ASIC2: variants seen among roughly 807,000 people sequenced by gnomAD.
ASIC2 encodes acid sensing ion channel subunit 2, also known as acid-sensing ion channel 2.
ASIC2 carries 25 observed loss-of-function variants against 57.3 expected under a neutral mutation model. The observed-to-expected ratio is 0.44, with a 90% CI of 0.32 to 0.61. ASIC2 has a LOEUF of 0.61. Ranked by LOEUF, ASIC2 falls within the 20% of genes least tolerant of loss-of-function variation. ASIC2 has a pLI of 0.06. For synonymous variants in ASIC2, 319 were observed against 307.5 expected (o/e 1.04, Z -0.39); for missense variants, 641 against 738.1 (o/e 0.87, Z 1.52).
chr17:34,066,104 C>T (rs1290511579), intron 1 of ASIC2, among the ~76,000 whole-genome samples: 4 of 152,282 alleles, frequency 2.6e-5, no homozygotes, highest in East Asian at 1.9e-4. Flanking sequence ...ACACTCTTAA[C>T]TACCGGACAT....
At chr17:33,882,974 C>T (rs552265787) in intron 1 of ASIC2, among the ~76,000 whole-genome samples, 169 of 152,166 alleles carry the variant, frequency 1.1e-3, no homozygotes, top group African/African-American at 3.9e-3. Context: ...ATGGATGAAG[C>T]TGGAAACCAT....
intron 1 of ASIC2, among the ~76,000 whole-genome samples, chr17:33,983,040 A>G (rs1038481987): frequency 6.6e-6 from 1 of 152,260 alleles, no homozygotes. Context: ...TAAATCAACC[A>G]TCAATCAAAA....
intron 1 of ASIC2, among the ~76,000 whole-genome samples, chr17:33,366,916 G>A (rs1908831158): frequency 6.6e-6 from 1 of 152,232 alleles, no homozygotes; most frequent in African/African-American, 2.4e-5. Flanking sequence ...TTTGCAATGA[G>A]CATACACTTT....
chr17:33,493,878 C>A (rs577242446), intron 1 of ASIC2, among the ~76,000 whole-genome samples: 1 of 152,210 alleles, frequency 6.6e-6, no homozygotes, highest in East Asian at 1.9e-4. Flanking sequence ...TGATTAGTAT[C>A]AACAGTGCTG....
chr17:33,737,690 C>CA (rs1303487606), intron 1 of ASIC2, among the ~76,000 whole-genome samples: 3 of 146,054 alleles, frequency 2.1e-5, no homozygotes, highest in Non-Finnish European at 3.0e-5. Context: ...AGTATTTGCT[C>CA]AAAAAATGGC....
Position 33,396,582 on chromosome 17 carries a change from C to G in ASIC2, c.556-284515G>C, listed in dbSNP as rs34365076. 3.9e-3 allele frequency among the ~76,000 whole-genome samples: 599 copies of G among 152,318 alleles called. 7 individuals carry two copies. Among genetic ancestry groups the G allele is most frequent in the African/African-American group, 0.013 (558 of 41,564 alleles). ...TCTTTGTGACTTCAAAGCTCATACTCTCTGGGCTTTACCTCATTGCCTCAC... is the reference window on the plus strand; with the variant it reads ...TCTTTGTGACTTCAAAGCTCATACTGTCTGGGCTTTACCTCATTGCCTCAC... On this transcript the variant is annotated intron_variant, in intron 1 of 9. Transcript: ENST00000359872.
intron 1 of ASIC2, among the ~76,000 whole-genome samples, chr17:33,876,608 A>G (rs894246970): frequency 3.3e-5 from 5 of 152,190 alleles, no homozygotes; most frequent in African/African-American, 4.8e-5. Context: ...AATAAGGAAA[A>G]TAAATCACAT....
intron 1 of ASIC2, among the ~76,000 whole-genome samples, chr17:33,176,011 C>A (rs1905740579): frequency 6.6e-6 from 1 of 152,216 alleles, no homozygotes; most frequent in Admixed American, 6.5e-5. Context: ...AAGCAATGAT[C>A]CCCACAAAGA....
chr17:33,542,075 C>G (rs149897084), intron 1 of ASIC2, among the ~76,000 whole-genome samples: 467 of 152,356 alleles, frequency 3.1e-3, no homozygotes, highest in Middle Eastern at 6.8e-3. Flanking sequence ...TACTTAAATA[C>G]TTGACTCCTT....
At chr17:33,159,056 A>G (rs1905090481) in intron 1 of ASIC2, among the ~76,000 whole-genome samples, 1 of 152,244 alleles carries the variant, frequency 6.6e-6, no homozygotes, top group Admixed American at 6.5e-5. Context: ...CGTGGTTACC[A>G]GCGAGAGCAT....
chr17:33,734,777 G>A (rs1909860421), intron 1 of ASIC2, among the ~76,000 whole-genome samples: 1 of 152,142 alleles, frequency 6.6e-6, no homozygotes. Context: ...GCACAGTGAA[G>A]AACTGCTCTG....
intron 1 of ASIC2, among the ~76,000 whole-genome samples, chr17:33,273,021 G>C (rs1904568689): frequency 6.6e-6 from 1 of 152,108 alleles, no homozygotes; most frequent in South Asian, 2.1e-4. Flanking sequence ...ACTCACTCCT[G>C]TTTCACCAAC....
chr17:33,613,458 G>A (rs1443306084), intron 1 of ASIC2, among the ~76,000 whole-genome samples: 1 of 149,842 alleles, frequency 6.7e-6, no homozygotes, highest in African/African-American at 2.5e-5. Context: ...TCCGCCTTCC[G>A]GATTCACACC....
intron 1 of ASIC2, among the ~76,000 whole-genome samples, chr17:33,323,569 G>A (rs1906952524): frequency 6.6e-6 from 1 of 152,064 alleles, no homozygotes; most frequent in Non-Finnish European, 1.5e-5. Flanking sequence ...CAAAAATTAG[G>A]CAGCTGTGGT....
chr17:33,590,961 G>A (rs771709119), intron 1 of ASIC2, among the ~76,000 whole-genome samples: 3 of 152,226 alleles, frequency 2.0e-5, no homozygotes, highest in Non-Finnish European at 4.4e-5. Context: ...GCTAGGGTCT[G>A]TGGGGGTAGA....
chr17:33,339,721 T>G (rs991239001), intron 1 of ASIC2, among the ~76,000 whole-genome samples: 1 of 152,184 alleles, frequency 6.6e-6, no homozygotes, highest in African/African-American at 2.4e-5. Context: ...CTTTCTGACC[T>G]TGCACAAACC....
chr17:33,296,436 C>T (rs1905724603), upstream of ASIC2, among the ~76,000 whole-genome samples: 1 of 152,168 alleles, frequency 6.6e-6, no homozygotes, highest in Non-Finnish European at 1.5e-5. Context: ...GGAAGACTCC[C>T]TTGGCCAGAA....
intron 1 of ASIC2, among the ~76,000 whole-genome samples, chr17:34,147,545 T>C (rs984463509): frequency 6.6e-6 from 1 of 152,214 alleles, no homozygotes; most frequent in African/African-American, 2.4e-5. Context: ...TATCAAATAA[T>C]AACCATGTAG....
chr17:33,912,202 A>G (rs1372347051), intron 1 of ASIC2, among the ~76,000 whole-genome samples: 1 of 147,104 alleles, frequency 6.8e-6, no homozygotes, highest in Non-Finnish European at 1.5e-5. Context: ...TAAACTTTAT[A>G]GGTGATTCTG....
Sources: allele counts gnomAD v4.1 joint callset (sites outside exome capture counted in the v4.1 genomes callset), GRCh38; gene constraint gnomAD v4.1.1; transcripts MANE v1.5; gene names NCBI Gene and HGNC (gene_info 2026-07-23, HGNC 2026-07-21).